MREG: variants seen among roughly 807,000 people sequenced by gnomAD.
MREG encodes the protein melanoregulin, also known as dilute suppressor protein homolog.
MREG carries 31 observed loss-of-function variants against 28.5 expected under a neutral mutation model. The ratio of observed to expected loss-of-function variants is 1.09; its 90% confidence interval spans 0.82 to 1.47. The LOEUF (loss-of-function observed/expected upper bound fraction) is 1.47. Ranked by LOEUF, MREG falls within the 40% of genes most tolerant of loss-of-function variation. The pLI, the probability that MREG is intolerant of heterozygous loss-of-function variation, is 0.00. For synonymous variants in MREG, 106 were observed against 95.2 expected (o/e 1.11, Z -0.66); for missense variants, 256 against 257.4 (o/e 0.99, Z 0.04).
At chr2:216,008,275 A>T (rs1211338196) in intron 1 of MREG, among the ~76,000 whole-genome samples, 1 of 152,098 alleles carries the variant, frequency 6.6e-6, no homozygotes, top group African/African-American at 2.4e-5. Context: ...AGTGCTTGTG[A>T]CAGACTAGGC....
intron 2 of MREG, among the ~76,000 whole-genome samples, chr2:215,963,002 C>T (rs1168824191): frequency 6.6e-6 from 1 of 152,134 alleles, no homozygotes; most frequent in African/African-American, 2.4e-5. Flanking sequence ...GTTGTGCACA[C>T]CTGTAGCCCC....
At chr2:215,983,650 C>T (rs1693488052) in intron 2 of MREG, among the ~76,000 whole-genome samples, 1 of 152,112 alleles carries the variant, frequency 6.6e-6, no homozygotes, top group African/African-American at 2.4e-5. Flanking sequence ...TTTTAGTTGA[C>T]ATGTAGTAAT....
intron 2 of MREG, among the ~76,000 whole-genome samples, chr2:215,960,073 A>G (rs6730522): frequency 0.052 from 7,882 of 151,680 alleles, 372 homozygotes; most frequent in African/African-American, 0.13. Flanking sequence ...CTCCTGCCTC[A>G]GCCTCCCGAG....
intron 1 of MREG, among the ~76,000 whole-genome samples, chr2:216,010,337 T>C (rs1278655651): frequency 7.0e-6 from 1 of 143,782 alleles, no homozygotes; most frequent in Non-Finnish European, 1.5e-5. Flanking sequence ...TCTAGAACTG[T>C]GAAAGAAAAG....
intron 1 of MREG, among the ~76,000 whole-genome samples, chr2:215,999,974 T>C (rs1378878139): frequency 6.6e-6 from 1 of 152,036 alleles, no homozygotes. Context: ...AGGAAGAGAA[T>C]AGGTGAGTCA....
chr2:215,996,574 T>A, intron 1 of MREG, 109 bp from the exon 2 acceptor site: 1 of 757,774 alleles, frequency 1.3e-6, no homozygotes, highest in Non-Finnish European at 2.0e-6. Context: ...ATGTAATATA[T>A]AAATATATTG....
At chr2:215,971,218 G>T (rs1179677846) in intron 2 of MREG, among the ~76,000 whole-genome samples, 2 of 152,122 alleles carry the variant, frequency 1.3e-5, no homozygotes, top group Non-Finnish European at 2.9e-5. Flanking sequence ...ATGACGGGTT[G>T]ATACGGGCAG....
At chr2:215,950,852 T>A (rs943977297) in intron 2 of MREG, among the ~76,000 whole-genome samples, 18 of 152,118 alleles carry the variant, frequency 1.2e-4, no homozygotes, top group Admixed American at 1.2e-3. Context: ...GTAATCCCCA[T>A]GTGTTGAAGG....
At chr2:215,973,067 G>C (rs1693148433) in intron 2 of MREG, among the ~76,000 whole-genome samples, 1 of 152,204 alleles carries the variant, frequency 6.6e-6, no homozygotes, top group African/African-American at 2.4e-5. Flanking sequence ...GCAACCAAAA[G>C]GGGCACAGCC....
chr2:215,992,474 A>C (rs1377811796), intron 2 of MREG, among the ~76,000 whole-genome samples: 1 of 152,232 alleles, frequency 6.6e-6, no homozygotes, highest in East Asian at 1.9e-4. Flanking sequence ...AATGGGCAAA[A>C]GCTGGAAGCA....
chr2:215,943,524 T>A lies in MREG; in HGVS notation c.*1339A>T. 2.2e-6 allele frequency: 1 copy of A among 456,428 alleles called. No individual in the cohort carries two copies. The highest frequency in any genetic ancestry group is 6.9e-5 in the East Asian group (1 of 14,392). The allele number at this position is 456,428 out of a possible 1,614,324, so 28.3% of individuals were successfully genotyped here. On this transcript the variant is annotated 3_prime_UTR_variant, in exon 5 of 5. Transcript: ENST00000263268. ...GAAAACAGAGGTCAAACACTTCAGTTTACAGATGCTATTCCAGATAAAATG... is the reference window on the plus strand; with the variant it reads ...GAAAACAGAGGTCAAACACTTCAGTATACAGATGCTATTCCAGATAAAATG...
chr2:215,957,999 C>T (rs555565498), intron 2 of MREG, among the ~76,000 whole-genome samples: 19 of 151,444 alleles, frequency 1.3e-4, no homozygotes, highest in Admixed American at 3.3e-4. Flanking sequence ...AGCAAACTAT[C>T]GCAAGGACAA....
intron 2 of MREG, among the ~76,000 whole-genome samples, chr2:215,974,042 T>C (rs1693175977): frequency 1.3e-5 from 2 of 152,188 alleles, no homozygotes; most frequent in South Asian, 4.1e-4. Context: ...GACAACAGCA[T>C]ATTGGTAAAA....
intron 2 of MREG, among the ~76,000 whole-genome samples, chr2:215,967,761 CT>C (rs1692981906): frequency 6.6e-6 from 1 of 152,134 alleles, no homozygotes; most frequent in East Asian, 1.9e-4. Context: ...AGTATGTAAC[CT>C]CATGGGCACG....
chr2:215,956,127 C>T (rs376137062), intron 2 of MREG, among the ~76,000 whole-genome samples: 1 of 152,190 alleles, frequency 6.6e-6, no homozygotes, highest in East Asian at 1.9e-4. Context: ...ATACATCCTA[C>T]TTTTAGGTCG....
chr2:215,953,903 G>A (rs1692548892), intron 2 of MREG, among the ~76,000 whole-genome samples: 1 of 152,188 alleles, frequency 6.6e-6, no homozygotes, highest in African/African-American at 2.4e-5. Flanking sequence ...CTTGCCTCCA[G>A]GAAAAATTTT....
chr2:216,027,707 C>A (rs1426790102), intron 1 of MREG, among the ~76,000 whole-genome samples: 1 of 152,046 alleles, frequency 6.6e-6, no homozygotes, highest in African/African-American at 2.4e-5. Flanking sequence ...AAGAAAAAGG[C>A]ATGAGGTAGT....
At chr2:215,967,874 A>G (rs2105986779) in intron 2 of MREG, among the ~76,000 whole-genome samples, 1 of 152,330 alleles carries the variant, frequency 6.6e-6, no homozygotes, top group East Asian at 1.9e-4. Context: ...AGCAGGAGGA[A>G]TCAAATCCAC....
At chr2:215,965,380 A>C (rs577967221) in intron 2 of MREG, among the ~76,000 whole-genome samples, 1 of 152,354 alleles carries the variant, frequency 6.6e-6, no homozygotes, top group South Asian at 2.1e-4. Flanking sequence ...GAGCATGGCG[A>C]CAGCAAGAAC....
Sources: allele counts gnomAD v4.1 joint callset (sites outside exome capture counted in the v4.1 genomes callset), GRCh38; gene constraint gnomAD v4.1.1; transcripts MANE v1.5; gene names NCBI Gene and HGNC (gene_info 2026-07-23, HGNC 2026-07-21).